RBFOX1: variants seen among roughly 807,000 people sequenced by gnomAD.
RBFOX1 encodes RNA binding fox-1 homolog 1.
RBFOX1 carries 8 observed loss-of-function variants against 57.7 expected under a neutral mutation model. The ratio of observed to expected loss-of-function variants is 0.14; its 90% confidence interval spans 0.08 to 0.25. The LOEUF is 0.25. Among genes scored for constraint, RBFOX1 ranks in the 10% least tolerant of loss-of-function variants. The probability of loss-of-function intolerance (pLI) is 1.00; values close to 1 mark genes in which losing one functional copy is unlikely to be tolerated. For synonymous variants in RBFOX1, 326 were observed against 222.4 expected (o/e 1.47, Z -4.15); for missense variants, 611 against 548.5 (o/e 1.11, Z -1.14).
At position 6,648,696 on chromosome 16, in the gene RBFOX1, C is replaced by T. The variant is rs921107741; in HGVS notation, c.-63-5907C>T. Among the ~76,000 whole-genome samples the T allele has an allele frequency of 8.5e-5, 13 of 152,126 alleles. 1 individual carries two copies. Among genetic ancestry groups the T allele is most frequent in the African/African-American group, 2.9e-4 (12 of 41,426 alleles). On this transcript the variant is annotated intron_variant, in intron 2 of 15. Transcript: ENST00000550418. ...CGTGCAAACCTCATATTTTTCACTT[C>T]AGGAGAGAAAGGAAATGCATCACCT...
intron 3 of RBFOX1, among the ~76,000 whole-genome samples, chr16:7,045,846 C>G (rs186466079): frequency 1.3e-5 from 2 of 152,032 alleles, no homozygotes; most frequent in East Asian, 3.9e-4. Context: ...TTAGTAGAGA[C>G]AGAGTTTTAC....
intron 3 of RBFOX1, among the ~76,000 whole-genome samples, chr16:6,690,642 G>A (rs1018274309): frequency 2.6e-5 from 4 of 152,064 alleles, no homozygotes; most frequent in African/African-American, 9.7e-5. Context: ...GGCTGCTTAG[G>A]AATCATAAAC....
chr16:5,265,264 A>C (rs2062830207), intron 1 of RBFOX1, among the ~76,000 whole-genome samples: 1 of 152,180 alleles, frequency 6.6e-6, no homozygotes, highest in African/African-American at 2.4e-5. Context: ...CCCCTTCCAC[A>C]TTCCATGGAC....
At chr16:6,396,563 G>A (rs1185220245) in intron 2 of RBFOX1, among the ~76,000 whole-genome samples, 1 of 152,208 alleles carries the variant, frequency 6.6e-6, no homozygotes, top group Admixed American at 6.5e-5. Context: ...ACGACTGAAA[G>A]AACCGAGTGG....
rs570818099 is a variant in RBFOX1, at chr16:7,027,735, G to C, written c.-15-24322G>C. ...TTTTAATTCACCAGTAAAACAAATA[G>C]ACTTCTTTCCTTTTATATTTGTAAC... On this transcript the variant is annotated intron_variant, in intron 3 of 15. Coordinates refer to ENST00000550418, the MANE Select transcript of RBFOX1 (RefSeq NM_018723.4). Among the ~76,000 whole-genome samples the C allele has an allele frequency of 9.2e-5, 14 of 152,140 alleles. 1 individual carries two copies. Among genetic ancestry groups the C allele is most frequent in the African/African-American group, 3.4e-4 (14 of 41,510 alleles).
chr16:7,104,313 A>G (rs894439479), intron 4 of RBFOX1, among the ~76,000 whole-genome samples: 9 of 152,144 alleles, frequency 5.9e-5, no homozygotes, highest in Non-Finnish European at 1.5e-5. Context: ...CAGTCCTGTT[A>G]GTTGATGTAA....
intron 2 of RBFOX1, among the ~76,000 whole-genome samples, chr16:6,600,645 C>T (rs1315931332): frequency 6.6e-6 from 1 of 152,194 alleles, no homozygotes; most frequent in Non-Finnish European, 1.5e-5. Context: ...GGACGGGACA[C>T]ATCTGAATCC....
chr16:6,503,557 G>C (rs960049059), intron 2 of RBFOX1, among the ~76,000 whole-genome samples: 23 of 152,166 alleles, frequency 1.5e-4, no homozygotes, highest in African/African-American at 5.5e-4. Context: ...ACACATACTT[G>C]GTGATTTGCT....
At chr16:5,821,451 T>C (rs761965247) in intron 3 of RBFOX1, among the ~76,000 whole-genome samples, 1 of 152,006 alleles carries the variant, frequency 6.6e-6, no homozygotes, top group Non-Finnish European at 1.5e-5. Context: ...TACAGGCACC[T>C]GCCACTAAGC....
intron 1 of RBFOX1, among the ~76,000 whole-genome samples, chr16:5,351,157 A>G (rs116786062): frequency 2.0e-3 from 308 of 152,344 alleles, no homozygotes; most frequent in African/African-American, 7.1e-3. Context: ...GATGGGAGTC[A>G]GACTGTTGAC....
intron 4 of RBFOX1, among the ~76,000 whole-genome samples, chr16:7,167,868 A>G (rs200033026): frequency 1.3e-5 from 2 of 149,040 alleles, no homozygotes; most frequent in Admixed American, 6.7e-5. Context: ...GCCCTCTGCG[A>G]AAAAAGTGTG....
chr16:6,719,600 C>T (rs1442282005), intron 3 of RBFOX1, among the ~76,000 whole-genome samples: 1 of 151,648 alleles, frequency 6.6e-6, no homozygotes, highest in Non-Finnish European at 1.5e-5. Flanking sequence ...ATCACCACGC[C>T]CGGCTAATTT....
intron 2 of RBFOX1, among the ~76,000 whole-genome samples, chr16:5,533,625 C>T (rs2151040558): frequency 6.6e-6 from 1 of 152,286 alleles, no homozygotes; most frequent in South Asian, 2.1e-4. Context: ...GAGATATTAT[C>T]ACTCCTGATG....
At chr16:7,180,708 T>C (rs1183525162) in intron 4 of RBFOX1, among the ~76,000 whole-genome samples, 2 of 69,242 alleles carry the variant, frequency 2.9e-5, no homozygotes, top group African/African-American at 1.2e-4. Context: ...TGTAAGTTAT[T>C]ATGATGAAAA....
At chr16:5,545,299 T>TTACG (rs58770810) in intron 2 of RBFOX1, among the ~76,000 whole-genome samples, 1 of 151,536 alleles carries the variant, frequency 6.6e-6, no homozygotes, top group Admixed American at 6.6e-5. Context: ...TAACAAATAT[T>TTACG]AAAGAAATAA....
rs2078627471 is a variant in RBFOX1 at position 6,300,019 on chromosome 16, A to G, written c.-126-16976A>G. On this transcript the variant is annotated intron_variant, in intron 1 of 15. Coordinates refer to ENST00000550418, the MANE Select transcript of RBFOX1 (RefSeq NM_018723.4). ...GGATACCATTCAGCTTCAAAAGACA[A>G]GGACATTCTGTCATTTGTGACAACA... 2.0e-5 allele frequency among the ~76,000 whole-genome samples: 3 copies of G among 152,322 alleles called. No individual in the cohort carries two copies. The South Asian group carries it at 6.2e-4, about 32-fold the overall frequency.
At chr16:7,401,052 G>A (rs143619290) in intron 4 of RBFOX1, among the ~76,000 whole-genome samples, 1 of 152,194 alleles carries the variant, frequency 6.6e-6, no homozygotes, top group Non-Finnish European at 1.5e-5. Flanking sequence ...TGATTCGAGA[G>A]GGGGTATCCA....
At chr16:7,162,112 C>A (rs2078452980) in intron 4 of RBFOX1, among the ~76,000 whole-genome samples, 1 of 152,186 alleles carries the variant, frequency 6.6e-6, no homozygotes, top group African/African-American at 2.4e-5. Flanking sequence ...CAGAGAAACC[C>A]CTCTAAGCTC....
At chr16:6,917,925 T>C (rs2073594270) in intron 3 of RBFOX1, among the ~76,000 whole-genome samples, 1 of 152,144 alleles carries the variant, frequency 6.6e-6, no homozygotes, top group East Asian at 1.9e-4. Flanking sequence ...ATTATCCCTT[T>C]AGGGTGTTCT....
Sources: gnomAD v4.1 joint callset for allele counts (sites outside exome capture counted in the v4.1 genomes callset) on GRCh38, gnomAD v4.1.1 for gene constraint, MANE v1.5 for transcripts, NCBI Gene and HGNC (gene_info 2026-07-23, HGNC 2026-07-21) for gene names.